The following KCNK2 variants were observed in gnomAD, a reference collection of about 807,000 sequenced individuals.
KCNK2 encodes the protein potassium channel subfamily K member 2.
Under a neutral mutation model 40.5 loss-of-function variants are expected in KCNK2, and 21 were observed. The ratio of observed to expected loss-of-function variants is 0.52; its 90% CI spans 0.37 to 0.75. KCNK2 has a LOEUF of 0.75. Ranked by LOEUF, KCNK2 falls within the 30% of genes least tolerant of loss-of-function variation. The pLI, the probability that KCNK2 is intolerant of heterozygous loss-of-function variation, is 0.00. For missense variants in KCNK2, 399 were observed against 531.6 expected (o/e 0.75, Z 2.45); for synonymous variants, 191 against 202.2 (o/e 0.94, Z 0.47).
chr1:215,222,476 T>C (rs1447929012), intron 6 of KCNK2, among the ~76,000 whole-genome samples: 1 of 152,188 alleles, frequency 6.6e-6, no homozygotes, highest in African/African-American at 2.4e-5. Context: ...AGAAGAAAGA[T>C]ATTATTTAAA....
chr1:215,107,644 G>A (rs1660489432), intron 2 of KCNK2, among the ~76,000 whole-genome samples: 1 of 151,792 alleles, frequency 6.6e-6, no homozygotes, highest in Non-Finnish European at 1.5e-5. Context: ...TGTCTTCTTT[G>A]GCGTAATGTC....
chr1:215,086,782 G>T, intron 2 of KCNK2, 104 bp downstream of exon 2: 1 of 1,003,558 alleles, frequency 1.0e-6, no homozygotes. Flanking sequence ...GCTGGTGGGA[G>T]CCCTATCCCA....
At chr1:215,029,708 C>T (rs994346426) in intron 1 of KCNK2, among the ~76,000 whole-genome samples, 1 of 149,236 alleles carries the variant, frequency 6.7e-6, no homozygotes, top group African/African-American at 2.5e-5. Flanking sequence ...ATTAAATTAC[C>T]ATCACTTAAT....
At chr1:215,114,477 G>C (rs1365386102) in intron 2 of KCNK2, among the ~76,000 whole-genome samples, 2 of 152,088 alleles carry the variant, frequency 1.3e-5, no homozygotes, top group African/African-American at 4.8e-5. Flanking sequence ...AATTCTATCA[G>C]GTTCTTGTTT....
At chr1:215,044,566 G>A (rs917502705) in intron 1 of KCNK2, among the ~76,000 whole-genome samples, 2 of 151,958 alleles carry the variant, frequency 1.3e-5, no homozygotes, top group Non-Finnish European at 2.9e-5. Context: ...TCCTATTAGG[G>A]TGCATATTAG....
chr1:215,007,565 T>G (rs1457484998), intron 1 of KCNK2, among the ~76,000 whole-genome samples: 1 of 152,020 alleles, frequency 6.6e-6, no homozygotes, highest in African/African-American at 2.4e-5. Flanking sequence ...GCTAACACTG[T>G]TCTAGTGCTC....
intron 2 of KCNK2, among the ~76,000 whole-genome samples, chr1:215,107,936 C>T (rs1005680902): frequency 6.6e-6 from 1 of 152,150 alleles, no homozygotes; most frequent in Non-Finnish European, 1.5e-5. Flanking sequence ...CAGTTCTCAA[C>T]CTTTTTGGCA....
chr1:215,133,577 C>G (rs1389121669), intron 3 of KCNK2, among the ~76,000 whole-genome samples: 1 of 150,364 alleles, frequency 6.7e-6, no homozygotes, highest in African/African-American at 2.4e-5. Flanking sequence ...GGCCTGTCTA[C>G]TTTCAGCTGG....
At chr1:215,233,212 A>G (rs970187841) in intron 6 of KCNK2, among the ~76,000 whole-genome samples, 3 of 152,140 alleles carry the variant, frequency 2.0e-5, no homozygotes, top group Middle Eastern at 3.2e-3. Flanking sequence ...CTGATTCTAC[A>G]TGCCATAGAG....
At chr1:215,162,808 T>C (rs1408293227) in intron 3 of KCNK2, among the ~76,000 whole-genome samples, 4 of 151,980 alleles carry the variant, frequency 2.6e-5, no homozygotes, top group South Asian at 2.1e-4. Context: ...ACCAGTACCA[T>C]GCTGTTTTGG....
chr1:215,052,658 A>G (rs905695934), intron 1 of KCNK2, among the ~76,000 whole-genome samples: 1 of 152,178 alleles, frequency 6.6e-6, no homozygotes, highest in Non-Finnish European at 1.5e-5. Flanking sequence ...AGCCCTCTAC[A>G]ACAGGAATTG....
chr1:215,159,325 T>G (rs1663086328), intron 3 of KCNK2, among the ~76,000 whole-genome samples: 1 of 152,058 alleles, frequency 6.6e-6, no homozygotes, highest in Admixed American at 6.6e-5. Context: ...GCTCTCAACT[T>G]CTCCTTGTCC....
chr1:215,194,528 G>A (rs1664788300), intron 5 of KCNK2, among the ~76,000 whole-genome samples: 1 of 152,136 alleles, frequency 6.6e-6, no homozygotes, highest in Admixed American at 6.5e-5. Flanking sequence ...TGATTAGCTA[G>A]CATGTATTTA....
At chr1:215,195,972 T>C (rs1194077304) in intron 6 of KCNK2, among the ~76,000 whole-genome samples, 3 of 152,180 alleles carry the variant, frequency 2.0e-5, no homozygotes, top group Non-Finnish European at 4.4e-5. Context: ...GACTCTTTCA[T>C]GGCTATAAGC....
intron 5 of KCNK2, 146 bp downstream of exon 5, chr1:215,172,329 A>C: frequency 1.5e-6 from 1 of 671,084 alleles, no homozygotes; most frequent in South Asian, 2.0e-5. Context: ...GGCTTTAAAC[A>C]AAGCAAATTC....
Position 215,083,198 on chromosome 1 carries a change from C to T in KCNK2, c.-188C>T. 9.9e-6 allele frequency: 6 copies of T among 603,078 alleles called. No homozygotes were observed. Among genetic ancestry groups the T allele is most frequent in the Non-Finnish European group, 1.1e-5 (4 of 358,986 alleles). 37.4% of individuals were successfully genotyped at this position (603,078 alleles called of 1,614,324 possible). ...CGATTTCGTTTCTTCTCACGCTCCC[C>T]CCCCCGCCCCCTCCCGCGTCCAGCC... On this transcript the variant is annotated 5_prime_UTR_variant, in exon 1 of 7. Transcript: ENST00000444842.
At chr1:215,012,701 G>T (rs11120462) in intron 1 of KCNK2, among the ~76,000 whole-genome samples, 48,449 of 142,056 alleles carry the variant, frequency 0.34, 8,689 homozygotes, top group South Asian at 0.59. Flanking sequence ...GCCCAGTTTC[G>T]TTCATCATTA....
At chr1:215,180,239 C>T (rs894319490) in intron 5 of KCNK2, among the ~76,000 whole-genome samples, 1 of 152,052 alleles carries the variant, frequency 6.6e-6, no homozygotes, top group South Asian at 2.1e-4. Context: ...TTCTTTGAGC[C>T]TAAGGATGTC....
intron 1 of KCNK2, among the ~76,000 whole-genome samples, chr1:215,064,928 G>C (rs895895710): frequency 2.0e-5 from 3 of 152,126 alleles, no homozygotes; most frequent in Non-Finnish European, 4.4e-5. Context: ...GGATGTCACA[G>C]TATTGTGTTA....
Sources: allele counts gnomAD v4.1 joint callset (sites outside exome capture counted in the v4.1 genomes callset), GRCh38; gene constraint gnomAD v4.1.1; transcripts MANE v1.5; gene names NCBI Gene and HGNC (gene_info 2026-07-23, HGNC 2026-07-21).